Variants in VWF observed in about 807,000 individuals in gnomAD.
The protein encoded by VWF is Factor VIII related antigen.
VWF carries 176 observed loss-of-function variants against 308.6 expected under a neutral mutation model. That is an observed-to-expected ratio of 0.57 (90% CI 0.50 to 0.65). The LOEUF is 0.65. Among genes scored for constraint, VWF ranks in the 30% least tolerant of loss-of-function variants. The pLI, the probability that VWF is intolerant of heterozygous loss-of-function variation, is 0.00. For synonymous variants in VWF, 1,385 were observed against 1,443.4 expected (o/e 0.96, Z 0.92); for missense variants, 3,146 against 3,648.2 (o/e 0.86, Z 3.55).
intron 47 of VWF, 109 bp from the exon 48 acceptor site, chr12:5,953,703 C>G: frequency 1.1e-6 from 1 of 896,688 alleles, no homozygotes; most frequent in Non-Finnish European, 1.9e-6. Flanking sequence ...GTAGTTTCAC[C>G]TAGAATTCGG....
intron 15 of VWF, among the ~76,000 whole-genome samples, chr12:6,054,181 C>A (rs950671319): frequency 1.3e-5 from 2 of 152,204 alleles, no homozygotes; most frequent in Non-Finnish European, 2.9e-5. Context: ...GAGTGGGGAG[C>A]CTCTGGAGAG....
intron 44 of VWF, among the ~76,000 whole-genome samples, chr12:5,970,179 C>T (rs1943455567): frequency 6.6e-6 from 1 of 152,172 alleles, no homozygotes; most frequent in African/African-American, 2.4e-5. Flanking sequence ...TGATTCCACC[C>T]TCCAGACTTC....
At chr12:6,054,789 T>C (rs1944558470) in intron 15 of VWF, among the ~76,000 whole-genome samples, 1 of 151,342 alleles carries the variant, frequency 6.6e-6, no homozygotes, top group Admixed American at 6.6e-5. Context: ...TGATGTGACC[T>C]CTTCTTACGA....
chr12:6,085,670 A>C (rs1182821675), intron 6 of VWF, among the ~76,000 whole-genome samples: 1 of 145,736 alleles, frequency 6.9e-6, no homozygotes, highest in Non-Finnish European at 1.5e-5. Context: ...CAATGAGAAC[A>C]CATGGACACA....
intron 16 of VWF, among the ~76,000 whole-genome samples, chr12:6,051,286 CTTTTTTTT>C (rs55842185): frequency 0.52 from 60,885 of 117,420 alleles, 14,136 homozygotes; most frequent in East Asian, 0.68. Flanking sequence ...TTCTTTTTTT[CTTTTTTTT>C]TTTTTTTTTT....
At chr12:6,027,160 G>A (rs1807901315) in intron 22 of VWF, among the ~76,000 whole-genome samples, 1 of 152,142 alleles carries the variant, frequency 6.6e-6, no homozygotes, top group African/African-American at 2.4e-5. Flanking sequence ...AGCCCCCATG[G>A]TATGGCTACT....
At chr12:5,989,251 A>G (rs1210422778) in intron 38 of VWF, among the ~76,000 whole-genome samples, 2 of 152,230 alleles carry the variant, frequency 1.3e-5, no homozygotes, top group African/African-American at 4.8e-5. Context: ...TAAAATAAAC[A>G]AGAGCTATGA....
At chr12:5,952,325 A>T in intron 49 of VWF, 66 bp downstream of exon 49, 4 of 1,606,550 alleles carry the variant, frequency 2.5e-6, no homozygotes, top group Non-Finnish European at 3.4e-6. Flanking sequence ...TGGGATGCAC[A>T]CTATTCAGAA....
chr12:6,023,247 T>G (rs1944149932), intron 25 of VWF, among the ~76,000 whole-genome samples: 1 of 152,160 alleles, frequency 6.6e-6, no homozygotes, highest in Admixed American at 6.5e-5. Flanking sequence ...AAACATTAAG[T>G]TGCTTCTGTC....
chr12:6,123,321 G>A lies in VWF; in HGVS notation c.1-125C>T, dbSNP rs865845640. On this transcript the variant is annotated intron_variant, in intron 1 of 51. Transcript: ENST00000261405. The stretch of plus-strand genomic sequence containing the variant: ...AAAGCAGGAGAAAAGATTGATCCTC[G>A]TGACCCCCTTTTCCCCTTTGAACAT... 203 of 1,156,684 alleles carry A rather than the reference G, an allele frequency of 1.8e-4. 1 individual carries two copies. In the Middle Eastern group the frequency reaches 4.7e-3, roughly 27 times the overall value. The allele number at this position is 1,156,684 out of a possible 1,614,324, so 71.7% of individuals were successfully genotyped here.
chr12:6,022,070 C>T (rs765329029), intron 26 of VWF, 35 bp from the exon 27 acceptor site: 2 of 1,613,652 alleles, frequency 1.2e-6, no homozygotes, highest in Non-Finnish European at 1.7e-6. Context: ...AACCAAAACG[C>T]TCCCCTTTCC....
intron 37 of VWF, 29 bp downstream of exon 37, chr12:5,993,833 G>C (rs1943772926): frequency 6.2e-7 from 1 of 1,606,758 alleles, no homozygotes; most frequent in Non-Finnish European, 8.5e-7. Flanking sequence ...CTGGTCTCCA[G>C]GATTTTCAGA....
At chr12:6,031,212 C>T (rs1279738127) in intron 21 of VWF, among the ~76,000 whole-genome samples, 2 of 152,202 alleles carry the variant, frequency 1.3e-5, no homozygotes, top group Non-Finnish European at 2.9e-5. Flanking sequence ...ACATCCTTCA[C>T]ACACACTCTG....
chr12:6,078,619 G>A (rs1162478698), intron 6 of VWF, among the ~76,000 whole-genome samples: 2 of 152,208 alleles, frequency 1.3e-5, no homozygotes, highest in East Asian at 3.8e-4. Flanking sequence ...TGCTATGACT[G>A]CTGCCATCAC....
At chr12:6,077,642 G>A (rs980622268) in intron 6 of VWF, among the ~76,000 whole-genome samples, 2 of 152,240 alleles carry the variant, frequency 1.3e-5, no homozygotes, top group South Asian at 4.1e-4. Flanking sequence ...CAGACGGCCT[G>A]TTGGGGCCAC....
chr12:5,995,931 T>C (rs904493129), intron 35 of VWF, 71 bp downstream of exon 35: 1 of 1,449,172 alleles, frequency 6.9e-7, no homozygotes, highest in Non-Finnish European at 9.5e-7. Context: ...TAAAAGCAAC[T>C]GCCACCAGGT....
chr12:6,017,983 ACCTT>A (rs1944081418), intron 28 of VWF, among the ~76,000 whole-genome samples: 1 of 151,596 alleles, frequency 6.6e-6, no homozygotes, highest in Admixed American at 6.6e-5. Context: ...TATCATCACC[ACCTT>A]TAACAGAGGT....
chr12:6,037,347 A>C lies in VWF; in HGVS notation c.2443-856T>G, dbSNP rs1944348052. ...TGGAGGTGAGGGCCAAATATTGGGC[A>C]TAAGTAGAAATCGATCAGAACTAGA... On this transcript the variant is annotated intron_variant, in intron 18 of 51. Coordinates refer to ENST00000261405, the MANE Select transcript of VWF (RefSeq NM_000552.5). 3.3e-5 allele frequency among the ~76,000 whole-genome samples: 5 copies of C among 152,334 alleles called. No homozygotes were observed. The South Asian group carries it at 1.0e-3, about 32-fold the overall frequency.
At chr12:6,122,885 C>T in intron 2 of VWF, 2 of 741,540 alleles carry the variant, frequency 2.7e-6, no homozygotes, top group Non-Finnish European at 2.5e-6. Context: ...CATCCTGTGC[C>T]CCCATAATAT....
Sources: gnomAD v4.1 joint callset for allele counts (sites outside exome capture counted in the v4.1 genomes callset) on GRCh38, gnomAD v4.1.1 for gene constraint, MANE v1.5 for transcripts, NCBI Gene and HGNC (gene_info 2026-07-23, HGNC 2026-07-21) for gene names.